Variants in ADCY8 observed in about 807,000 individuals in gnomAD.
ADCY8 encodes adenylate cyclase type 8.
Under a neutral mutation model 119.7 loss-of-function variants are expected in ADCY8, and 51 were observed. That is an observed-to-expected ratio of 0.43 (90% CI 0.34 to 0.54). ADCY8 has a LOEUF of 0.54. Among genes scored for constraint, ADCY8 ranks in the 20% least tolerant of loss-of-function variants. ADCY8 has a pLI of 0.03. For synonymous variants in ADCY8, 665 were observed against 651.0 expected (o/e 1.02, Z -0.33); for missense variants, 1,383 against 1,598.8 (o/e 0.87, Z 2.30).
chr8:130,935,707 C>G (rs1352653894), intron 5 of ADCY8, among the ~76,000 whole-genome samples: 2 of 152,198 alleles, frequency 1.3e-5, no homozygotes, highest in African/African-American at 4.8e-5. Flanking sequence ...AGGCTGTACG[C>G]CTATTGCCCA....
chr8:130,810,740 A>G lies in ADCY8; in HGVS notation c.2913+3329T>C, dbSNP rs573719901. Among the ~76,000 whole-genome samples the G allele has an allele frequency of 1.5e-3, 235 of 152,324 alleles. 1 individual carries two copies. The highest frequency in any genetic ancestry group is 3.1e-3 in the Non-Finnish European group (210 of 68,020). On this transcript the variant is annotated intron_variant, in intron 14 of 17. Coordinates refer to ENST00000286355, the MANE Select transcript of ADCY8 (RefSeq NM_001115.3). ...GTGTGAACTGTTTAAATATTTATAA[A>G]ATCTCAAATAATCCTGACAAGATGT...
chr8:130,994,575 C>T (rs557142583), intron 1 of ADCY8, among the ~76,000 whole-genome samples: 1 of 152,226 alleles, frequency 6.6e-6, no homozygotes, highest in South Asian at 2.1e-4. Flanking sequence ...TTACCATAAA[C>T]CCATCATTTA....
chr8:130,785,335 C>G, intron 16 of ADCY8, 48 bp downstream of exon 16: 1 of 1,385,442 alleles, frequency 7.2e-7, no homozygotes, highest in Non-Finnish European at 9.9e-7. Context: ...GACATGACAA[C>G]AGCAAGACCC....
intron 5 of ADCY8, among the ~76,000 whole-genome samples, chr8:130,932,127 GA>G (rs1820648528): frequency 2.0e-5 from 3 of 152,286 alleles, no homozygotes; most frequent in South Asian, 4.1e-4. Flanking sequence ...GGGCATGCCA[GA>G]AGCCTGGGGC....
chr8:130,915,590 A>G (rs1428434316), intron 5 of ADCY8, among the ~76,000 whole-genome samples: 1 of 152,194 alleles, frequency 6.6e-6, no homozygotes, highest in Non-Finnish European at 1.5e-5. Flanking sequence ...GGGGAAGAGA[A>G]TTGGTCCTCT....
At chr8:130,854,304 G>A (rs1057064057) in intron 9 of ADCY8, among the ~76,000 whole-genome samples, 4 of 152,212 alleles carry the variant, frequency 2.6e-5, no homozygotes, top group African/African-American at 4.8e-5. Flanking sequence ...AGAATGACTA[G>A]TTTTGCAAAG....
intron 1 of ADCY8, among the ~76,000 whole-genome samples, chr8:130,992,958 A>G (rs1307377847): frequency 6.6e-6 from 1 of 152,208 alleles, no homozygotes; most frequent in Non-Finnish European, 1.5e-5. Context: ...TGGGCACATC[A>G]TAATCCAAAT....
intron 1 of ADCY8, among the ~76,000 whole-genome samples, chr8:131,017,070 TG>T (rs1317008759): frequency 3.8e-4 from 57 of 151,636 alleles, no homozygotes; most frequent in African/African-American, 1.4e-3. Flanking sequence ...GGAATGTACA[TG>T]ATTTTTTTTT....
chr8:130,984,853 A>G (rs975484605), intron 2 of ADCY8, among the ~76,000 whole-genome samples: 3 of 152,182 alleles, frequency 2.0e-5, no homozygotes, highest in Admixed American at 6.5e-5. Flanking sequence ...TGATGAGGCT[A>G]TCAAGCTGGT....
intron 1 of ADCY8, among the ~76,000 whole-genome samples, chr8:130,993,923 T>A (rs1822682969): frequency 6.6e-6 from 1 of 152,246 alleles, no homozygotes; most frequent in African/African-American, 2.4e-5. Context: ...GACTTGAAGT[T>A]AGCCTCAGCA....
chr8:130,973,736 C>A (rs1195032055), intron 2 of ADCY8, among the ~76,000 whole-genome samples: 1 of 152,170 alleles, frequency 6.6e-6, no homozygotes, highest in South Asian at 2.1e-4. Context: ...GGAAGGAGGG[C>A]TAACGGCTTC....
intron 6 of ADCY8, among the ~76,000 whole-genome samples, chr8:130,904,647 A>T (rs893205849): frequency 2.6e-5 from 4 of 152,210 alleles, no homozygotes; most frequent in Non-Finnish European, 5.9e-5. Flanking sequence ...TATTATAAGG[A>T]GCAAAGAACA....
intron 8 of ADCY8, among the ~76,000 whole-genome samples, chr8:130,876,015 C>T (rs72714410): frequency 0.078 from 11,880 of 152,104 alleles, 506 homozygotes; most frequent in Non-Finnish European, 0.1. Flanking sequence ...GTGTAGCAAA[C>T]GAAGCTCATT....
intron 7 of ADCY8, among the ~76,000 whole-genome samples, chr8:130,885,759 T>C (rs183722981): frequency 6.6e-6 from 1 of 152,260 alleles, no homozygotes; most frequent in East Asian, 1.9e-4. Flanking sequence ...AAGTAGAGGA[T>C]GCCACGCATC....
At chr8:130,903,464 GTTT>G (rs35382013) in intron 7 of ADCY8, among the ~76,000 whole-genome samples, 138 of 124,710 alleles carry the variant, frequency 1.1e-3, no homozygotes, top group Admixed American at 2.1e-3. Flanking sequence ...AACATGAGTG[GTTT>G]TTTTTTTTTT....
At chr8:130,975,256 C>T (rs538888183) in intron 2 of ADCY8, among the ~76,000 whole-genome samples, 1 of 152,314 alleles carries the variant, frequency 6.6e-6, no homozygotes, top group Non-Finnish European at 1.5e-5. Context: ...CATATATTTG[C>T]AAATATTGCA....
chr8:130,811,441 C>T (rs1816163158), intron 14 of ADCY8, among the ~76,000 whole-genome samples: 1 of 152,190 alleles, frequency 6.6e-6, no homozygotes, highest in African/African-American at 2.4e-5. Context: ...ATCAACTAAC[C>T]CACTGTCCAA....
intron 2 of ADCY8, among the ~76,000 whole-genome samples, chr8:130,986,937 A>C (rs1241243081): frequency 6.6e-6 from 1 of 152,180 alleles, no homozygotes; most frequent in East Asian, 1.9e-4. Context: ...GCTGTCCTTT[A>C]ATAGGTCATA....
intron 5 of ADCY8, among the ~76,000 whole-genome samples, chr8:130,931,746 A>C (rs575861425): frequency 2.6e-5 from 4 of 151,900 alleles, no homozygotes; most frequent in African/African-American, 7.2e-5. Context: ...TGCAGTTTTC[A>C]TTTTGGTTAT....
Sources: allele counts gnomAD v4.1 joint callset (sites outside exome capture counted in the v4.1 genomes callset), GRCh38; gene constraint gnomAD v4.1.1; transcripts MANE v1.5; gene names NCBI Gene and HGNC (gene_info 2026-07-23, HGNC 2026-07-21).